The following NOVA1 variants were observed in gnomAD, a reference collection of about 807,000 sequenced individuals.
NOVA1 encodes the protein RNA-binding protein Nova-1.
NOVA1 carries 7 observed loss-of-function variants against 38.0 expected under a neutral mutation model. That is an observed-to-expected ratio of 0.18 (90% CI 0.10 to 0.35). NOVA1 has a LOEUF of 0.35. Among genes scored for constraint, NOVA1 ranks in the 10% least tolerant of loss-of-function variants. The pLI, the probability that NOVA1 is intolerant of heterozygous loss-of-function variation, is 1.00. For missense variants in NOVA1, 460 were observed against 616.0 expected, an observed-to-expected ratio of 0.75 and a Z score of 2.68; for synonymous variants, 270 against 232.5, an observed-to-expected ratio of 1.16 and a Z score of -1.47.
intron 4 of NOVA1, among the ~76,000 whole-genome samples, chr14:26,456,083 G>C (rs1039500572): frequency 1.3e-5 from 2 of 151,832 alleles, no homozygotes; most frequent in African/African-American, 4.8e-5. Context: ...CATATAGTAA[G>C]ACATATGTTC....
chr14:26,470,218 CT>C, intron 4 of NOVA1: 1 of 1,053,302 alleles, frequency 9.5e-7, no homozygotes, highest in Non-Finnish European at 1.2e-6. Context: ...AACCTATTTT[CT>C]TATCTTGGTT....
In NOVA1 at chr14:26,448,771, T is replaced by C. The variant is rs1486726833; in HGVS notation, c.712A>G (p.Ile238Val). 2 of 1,614,190 alleles carry C rather than the reference T, an allele frequency of 1.2e-6. No individual in the cohort carries two copies. Among genetic ancestry groups the C allele is most frequent in the Non-Finnish European group, 1.7e-6 (2 of 1,180,030 alleles). ...EQNRKAVELI[I>V]QKIQEDPQSG... is the part of the protein sequence containing the mutation. The stretch of plus-strand genomic sequence containing the variant: ...TGTGGATCCTCTTGTATCTTCTGGA[T>C]GATAAGTTCAACAGCTTTTCGGTTT... Residue 238 changes from isoleucine (I) to valine (V), a missense_variant, in exon 5 of 5, where the codon ATC (isoleucine) becomes GTC (valine). Coordinates refer to ENST00000539517, the MANE Select transcript of NOVA1 (RefSeq NM_002515.3). This position sits in a 1 kb window ranked among gnomAD's most constrained non-coding sequence, Gnocchi z 5.3.
At chr14:26,549,932 A>G (rs1023547845) in intron 2 of NOVA1, among the ~76,000 whole-genome samples, 2 of 152,204 alleles carry the variant, frequency 1.3e-5, no homozygotes, top group South Asian at 4.1e-4. Context: ...GGCTGTCTGA[A>G]AACTTTGCCA....
In NOVA1 at chr14:26,495,626, C is replaced by T. The variant is rs1594401284; in HGVS notation, c.281-15483G>A. ...TCATCATCTAGCATTAGGTATATCA[C>T]CCAATGCTATCCCTACCCCCTCCCC... On this transcript the variant is annotated intron_variant, in intron 2 of 4. Transcript: ENST00000539517. 2.0e-5 allele frequency among the ~76,000 whole-genome samples: 3 copies of T among 150,702 alleles called. No individual in the cohort carries two copies. In the South Asian group the frequency reaches 6.4e-4, roughly 32 times the overall value.
chr14:26,488,436 A>C (rs1030648891), intron 2 of NOVA1, among the ~76,000 whole-genome samples: 4 of 152,210 alleles, frequency 2.6e-5, no homozygotes, highest in Non-Finnish European at 4.4e-5. Context: ...TATTCCCATA[A>C]AGTAGCATCT....
intron 2 of NOVA1, among the ~76,000 whole-genome samples, chr14:26,517,226 T>C (rs1888536781): frequency 6.6e-6 from 1 of 152,046 alleles, no homozygotes; most frequent in Non-Finnish European, 1.5e-5. Flanking sequence ...TTAATACTCT[T>C]CCCTTGCTCA....
chr14:26,597,907 C>G lies in NOVA1; in HGVS notation c.-471G>C, dbSNP rs1298343316. ...AGGAGGAGGGGAAGGAGGTGGATGC[C>G]GAGAGAGGAGCGAGCGGCAGAGGAG... On this transcript the variant is annotated 5_prime_UTR_variant, in exon 1 of 5. Coordinates refer to ENST00000539517, the MANE Select transcript of NOVA1 (RefSeq NM_002515.3). Among the ~76,000 whole-genome samples the G allele has an allele frequency of 6.7e-6, 1 of 149,798 alleles. No homozygotes were observed. The highest frequency in any genetic ancestry group is 1.5e-5 in the Non-Finnish European group (1 of 67,270).
chr14:26,589,239 T>C (rs17583632), intron 2 of NOVA1, among the ~76,000 whole-genome samples: 2,990 of 151,842 alleles, frequency 0.02, 42 homozygotes, highest in Non-Finnish European at 0.032. Flanking sequence ...ATTTAAGGGC[T>C]GATTAATGAA....
chr14:26,481,770 T>A (rs954641345), intron 2 of NOVA1, among the ~76,000 whole-genome samples: 1 of 152,054 alleles, frequency 6.6e-6, no homozygotes, highest in Non-Finnish European at 1.5e-5. Context: ...CATAAAATGA[T>A]CTAGTTTATG....
chr14:26,593,351 T>C (rs1250386139), intron 2 of NOVA1: 1 of 151,862 alleles, frequency 6.6e-6, no homozygotes, highest in Non-Finnish European at 1.5e-5. Flanking sequence ...ACTATTAAAA[T>C]TAATGTCTAT....
At chr14:26,575,362 C>T (rs1209874565) in intron 2 of NOVA1, among the ~76,000 whole-genome samples, 1 of 151,978 alleles carries the variant, frequency 6.6e-6, no homozygotes, top group Non-Finnish European at 1.5e-5. Flanking sequence ...TAGATATTTC[C>T]AAAATAATAC....
At chr14:26,578,407 T>A (rs1321476070) in intron 2 of NOVA1, among the ~76,000 whole-genome samples, 1 of 152,094 alleles carries the variant, frequency 6.6e-6, no homozygotes. Context: ...TAAAAATAAT[T>A]TCCAGTAGGG....
chr14:26,594,179 G>T (rs1012995778), intron 2 of NOVA1: 1 of 151,908 alleles, frequency 6.6e-6, no homozygotes, highest in Admixed American at 6.6e-5. Context: ...GGAACATCGT[G>T]TCTAATATAT....
At chr14:26,570,278 CA>C (rs1157112823) in intron 2 of NOVA1, among the ~76,000 whole-genome samples, 1 of 151,882 alleles carries the variant, frequency 6.6e-6, no homozygotes, top group Non-Finnish European at 1.5e-5. Flanking sequence ...ACCTGGGAGG[CA>C]GAGGTTGCAG....
intron 2 of NOVA1, among the ~76,000 whole-genome samples, chr14:26,578,402 A>C (rs987118332): frequency 6.6e-6 from 1 of 152,134 alleles, no homozygotes; most frequent in Non-Finnish European, 1.5e-5. Context: ...GTAGGTAAAA[A>C]TAATTTCCAG....
chr14:26,586,766 T>C (rs772770709), intron 2 of NOVA1, among the ~76,000 whole-genome samples: 11 of 151,112 alleles, frequency 7.3e-5, no homozygotes, highest in Non-Finnish European at 1.2e-4. Context: ...GGCTACATGC[T>C]CCAGGCAATA....
chr14:26,568,594 A>G (rs1892276743), intron 2 of NOVA1: 1 of 152,210 alleles, frequency 6.6e-6, no homozygotes, highest in African/African-American at 2.4e-5. Flanking sequence ...AAAATATTAA[A>G]AACACATTCT....
intron 2 of NOVA1, among the ~76,000 whole-genome samples, chr14:26,564,084 G>A (rs1439813192): frequency 2.0e-5 from 3 of 152,082 alleles, no homozygotes; most frequent in Admixed American, 6.6e-5. Context: ...TTTAGTTCCA[G>A]AACCCATGGT....
In NOVA1 at chr14:26,464,060, C is replaced by T. The variant is rs1165616957; in HGVS notation, c.519+8260G>A. 3.3e-5 allele frequency among the ~76,000 whole-genome samples: 5 copies of T among 152,202 alleles called. No individual in the cohort carries two copies. The East Asian group carries it at 5.8e-4, about 18-fold the overall frequency. ...ATGTGGCCTCACACATTATAAAATT[C>T]GGATGTAACAAAGATTTGATTGGAA... On this transcript the variant is annotated intron_variant, in intron 4 of 4. Coordinates refer to ENST00000539517, the MANE Select transcript of NOVA1 (RefSeq NM_002515.3).
Sources: gnomAD v4.1 joint callset for allele counts (sites outside exome capture counted in the v4.1 genomes callset) on GRCh38, gnomAD v4.1.1 for gene constraint, Gnocchi (gnomAD v3.1) non-coding constraint, MANE v1.5 for transcripts, NCBI Gene and HGNC (gene_info 2026-07-23, HGNC 2026-07-21) for gene names.